The following DPYD variants were observed in gnomAD, a reference collection of about 807,000 sequenced individuals.
The protein encoded by DPYD is dihydropyrimidine dehydrogenase [NADP(+)].
A neutral mutation model predicts 116.2 loss-of-function variants in DPYD; 109 were observed. The ratio of observed to expected loss-of-function variants is 0.94; its 90% CI spans 0.80 to 1.10. The LOEUF (loss-of-function observed/expected upper bound fraction) is 1.10. Ranked by LOEUF, DPYD falls within the 50% of genes least tolerant of loss-of-function variation. DPYD has a pLI of 0.00. For synonymous variants in DPYD, 440 were observed against 432.0 expected (o/e 1.02, Z -0.23); for missense variants, 1,302 against 1,254.5 (o/e 1.04, Z -0.57).
chr1:97,436,727 ATATTTCTTT>A (rs923375789), intron 14 of DPYD, among the ~76,000 whole-genome samples: 5 of 152,038 alleles, frequency 3.3e-5, no homozygotes, highest in Admixed American at 1.3e-4. Flanking sequence ...AATCCAACCA[ATATTTCTTT>A]CATTTCTTAA....
At chr1:97,875,157 A>C (rs1229751166) in intron 2 of DPYD, among the ~76,000 whole-genome samples, 1 of 151,930 alleles carries the variant, frequency 6.6e-6, no homozygotes, top group East Asian at 1.9e-4. Flanking sequence ...TAGCATTTTT[A>C]GTGTCAAGAA....
intron 20 of DPYD, among the ~76,000 whole-genome samples, chr1:97,120,390 C>T (rs1652336841): frequency 6.6e-6 from 1 of 152,104 alleles, no homozygotes; most frequent in African/African-American, 2.4e-5. Flanking sequence ...CATGGGCCAC[C>T]TAGACAGCTT....
chr1:97,302,492 T>C (rs903149632), intron 18 of DPYD, among the ~76,000 whole-genome samples: 5 of 151,936 alleles, frequency 3.3e-5, no homozygotes, highest in Non-Finnish European at 7.4e-5. Flanking sequence ...CATCTGTAGA[T>C]GAATTAGAAA....
intron 2 of DPYD, among the ~76,000 whole-genome samples, chr1:97,847,394 C>A (rs1265636538): frequency 6.6e-6 from 1 of 151,980 alleles, no homozygotes; most frequent in Non-Finnish European, 1.5e-5. Context: ...TTCAACATAC[C>A]TATGAAGCTT....
At chr1:97,852,204 T>A (rs1395514552) in intron 2 of DPYD, among the ~76,000 whole-genome samples, 2 of 152,002 alleles carry the variant, frequency 1.3e-5, no homozygotes, top group African/African-American at 2.4e-5. Context: ...AACTAATCAT[T>A]TGAATTCTGT....
At chr1:97,693,586 A>G (rs1661146775) in intron 6 of DPYD, among the ~76,000 whole-genome samples, 1 of 152,154 alleles carries the variant, frequency 6.6e-6, no homozygotes, top group East Asian at 1.9e-4. Context: ...TGTGGACACA[A>G]ACAGACACAC....
chr1:97,096,238 A>AT (rs954529117), intron 21 of DPYD, among the ~76,000 whole-genome samples: 15 of 151,986 alleles, frequency 9.9e-5, no homozygotes, highest in Admixed American at 3.3e-4. Context: ...GCAACCACAG[A>AT]TTTTTTGTTT....
chr1:97,580,781 G>C (rs919593091), intron 10 of DPYD, among the ~76,000 whole-genome samples: 3 of 151,914 alleles, frequency 2.0e-5, no homozygotes, highest in Non-Finnish European at 2.9e-5. Context: ...TCTTACCCTC[G>C]CCTGTCTTCT....
chr1:97,539,953 C>T (rs74105260), intron 12 of DPYD, among the ~76,000 whole-genome samples: 15 of 152,112 alleles, frequency 9.9e-5, no homozygotes, highest in East Asian at 3.9e-4. Flanking sequence ...GTAAGTGCTC[C>T]GCCTTCTGAA....
chr1:97,904,059 C>T (rs1456027362), intron 1 of DPYD, among the ~76,000 whole-genome samples: 1 of 151,762 alleles, frequency 6.6e-6, no homozygotes, highest in Non-Finnish European at 1.5e-5. Context: ...CTGTATTTAC[C>T]CCAGGGTAAT....
At chr1:97,133,523 TCTAA>T in intron 20 of DPYD, among the ~76,000 whole-genome samples, 2 of 152,244 alleles carry the variant, frequency 1.3e-5, no homozygotes, top group South Asian at 2.1e-4. Flanking sequence ...TGTTTTTATA[TCTAA>T]CTATCTAATC....
intron 13 of DPYD, among the ~76,000 whole-genome samples, chr1:97,458,010 T>G (rs1676788738): frequency 6.6e-6 from 1 of 152,182 alleles, no homozygotes; most frequent in Non-Finnish European, 1.5e-5. Context: ...TAAGAGGTTT[T>G]GGATACACTC....
At chr1:97,634,074 T>G (rs1182474805) in intron 8 of DPYD, among the ~76,000 whole-genome samples, 1 of 152,120 alleles carries the variant, frequency 6.6e-6, no homozygotes, top group East Asian at 1.9e-4. Context: ...TATGCCAAAG[T>G]AGAATATTTT....
chr1:97,385,262 T>G (rs1410692926), intron 14 of DPYD, among the ~76,000 whole-genome samples: 1 of 112,378 alleles, frequency 8.9e-6, no homozygotes, highest in East Asian at 3.2e-4. Context: ...TAATACCTCT[T>G]GGTGTAGGCA....
At chr1:97,163,843 G>T (rs1656109717) in intron 20 of DPYD, among the ~76,000 whole-genome samples, 1 of 152,128 alleles carries the variant, frequency 6.6e-6, no homozygotes, top group Non-Finnish European at 1.5e-5. Context: ...AGGGGATGTG[G>T]TCATTCAAAC....
At chr1:97,336,771 A>T (rs1669305219) in intron 16 of DPYD, among the ~76,000 whole-genome samples, 1 of 152,130 alleles carries the variant, frequency 6.6e-6, no homozygotes. Context: ...AACAAATCAT[A>T]TCAAGGAAAG....
intron 7 of DPYD, among the ~76,000 whole-genome samples, chr1:97,687,989 A>T (rs574556859): frequency 7.7e-4 from 118 of 152,284 alleles, no homozygotes; most frequent in African/African-American, 2.7e-3. Flanking sequence ...GGGCAGGGAC[A>T]GGGAGAGAAT....
chr1:97,597,433 T>C (rs1212620546), intron 8 of DPYD, among the ~76,000 whole-genome samples: 1 of 152,144 alleles, frequency 6.6e-6, no homozygotes, highest in Non-Finnish European at 1.5e-5. Context: ...TTGGTATGAG[T>C]CCTTCCTCTC....
At chr1:97,607,162 G>A (rs1399092832) in intron 8 of DPYD, among the ~76,000 whole-genome samples, 1 of 151,916 alleles carries the variant, frequency 6.6e-6, no homozygotes, top group Non-Finnish European at 1.5e-5. Flanking sequence ...CTAAGATACT[G>A]ACAGTGGGGA....
Sources: gnomAD v4.1 joint callset for allele counts (sites outside exome capture counted in the v4.1 genomes callset) on GRCh38, gnomAD v4.1.1 for gene constraint, MANE v1.5 for transcripts, NCBI Gene and HGNC (gene_info 2026-07-23, HGNC 2026-07-21) for gene names.